The following EYA4 variants were observed in gnomAD, a reference collection of about 807,000 sequenced individuals.
EYA4 encodes the protein EYA transcriptional coactivator and phosphatase 4, also known as protein phosphatase EYA4.
Under a neutral mutation model 87.9 loss-of-function variants are expected in EYA4, and 31 were observed. The observed-to-expected ratio is 0.35, with a 90% CI of 0.27 to 0.48. The LOEUF (loss-of-function observed/expected upper bound fraction) is 0.48. EYA4 is among the 20% of genes least tolerant of loss of function. The pLI is 0.99. For missense variants in EYA4, 678 were observed against 761.4 expected (o/e 0.89, Z 1.29); for synonymous variants, 263 against 270.6 (o/e 0.97, Z 0.28).
intron 3 of EYA4, among the ~76,000 whole-genome samples, chr6:133,423,209 G>A (rs139599321): frequency 4.9e-4 from 75 of 152,220 alleles, no homozygotes; most frequent in East Asian, 1.2e-3. Flanking sequence ...TCTAGGAGGG[G>A]TGGACTAAGA....
intron 13 of EYA4, chr6:133,502,598 T>C (rs1157761416): frequency 6.6e-6 from 1 of 152,258 alleles, no homozygotes; most frequent in Non-Finnish European, 1.5e-5. Context: ...TCTGGGATTC[T>C]TGGATCTGTG....
At chr6:133,505,974 A>G in intron 13 of EYA4, 132 bp from the exon 14 acceptor site, 2 of 677,996 alleles carry the variant, frequency 2.9e-6, no homozygotes, top group Non-Finnish European at 5.3e-6. Flanking sequence ...AAAACTGAGA[A>G]ATCTTTTGAA....
chr6:133,465,994 T>G (rs1445332834), intron 10 of EYA4, among the ~76,000 whole-genome samples: 1 of 152,184 alleles, frequency 6.6e-6, no homozygotes. Flanking sequence ...CTTGATTTTA[T>G]GCATTTATTT....
intron 2 of EYA4, among the ~76,000 whole-genome samples, chr6:133,376,624 T>A (rs999209829): frequency 3.3e-5 from 5 of 151,882 alleles, no homozygotes; most frequent in Non-Finnish European, 7.4e-5. Context: ...ATTTGCAAAC[T>A]TTTTTTATGA....
chr6:133,448,289 T>A, intron 5 of EYA4, 110 bp downstream of exon 5: 2 of 832,958 alleles, frequency 2.4e-6, no homozygotes, highest in Middle Eastern at 2.2e-4. Context: ...GTTCAGTACT[T>A]AAAAAGGAAA....
intron 3 of EYA4, among the ~76,000 whole-genome samples, chr6:133,410,917 C>CT (rs1237419887): frequency 6.6e-6 from 1 of 151,980 alleles, no homozygotes; most frequent in Non-Finnish European, 1.5e-5. Flanking sequence ...GAAGTTGGAG[C>CT]TTTAGAGGTG....
intron 2 of EYA4, among the ~76,000 whole-genome samples, chr6:133,357,139 C>T (rs1338121908): frequency 5.3e-5 from 8 of 151,220 alleles, no homozygotes; most frequent in East Asian, 2.0e-4. Flanking sequence ...GGCTTCGTGG[C>T]GGGCGCCTGT....
rs1481535390 is a variant in EYA4, at chr6:133,523,051, T to A, written c.1617-5T>A. The A allele has an allele frequency of 1.9e-6, 3 of 1,608,860 alleles. No individual in the cohort carries two copies. In the African/African-American group the frequency reaches 4.0e-5, roughly 22 times the overall value. ...ACAAACATGTATATTTCCTCCCTAT[T>A]TTAGGAGTAACTGCATAAATGTCTT... On this transcript the variant is annotated splice_region_variant and splice_polypyrimidine_tract_variant and intron_variant, in intron 17 of 19. Coordinates refer to ENST00000355286, the MANE Select transcript of EYA4 (RefSeq NM_004100.5).
At chr6:133,307,168 C>A (rs180741593) in intron 2 of EYA4, among the ~76,000 whole-genome samples, 1 of 152,226 alleles carries the variant, frequency 6.6e-6, no homozygotes, top group East Asian at 1.9e-4. Context: ...CACGTTTCTG[C>A]ATCCTGAATC....
intron 3 of EYA4, among the ~76,000 whole-genome samples, chr6:133,411,390 A>T (rs978186769): frequency 8.5e-5 from 13 of 152,212 alleles, no homozygotes; most frequent in South Asian, 2.1e-4. Context: ...GGGAAACACC[A>T]GCATGGTTTT....
intron 2 of EYA4, among the ~76,000 whole-genome samples, chr6:133,326,578 TTAC>T (rs1781513758): frequency 6.6e-6 from 1 of 152,218 alleles, no homozygotes; most frequent in Non-Finnish European, 1.5e-5. Flanking sequence ...GTTATCAGCG[TTAC>T]TATTGTTGAC....
At position 133,391,219 on chromosome 6, in the gene EYA4, TTTG is replaced by T. The variant is rs1297947218; in HGVS notation, c.83+8781_83+8783del. Reference sequence around the variant, plus strand: ...TATCTATTATTTTTTGGGTTTTGTTTTTGTTTTTTTTTTTTTTTTGAGATGGAG... The same window carrying T: ...TATCTATTATTTTTTGGGTTTTGTTTTTTTTTTTTTTTTTTTGAGATGGAG... On this transcript the variant is annotated intron_variant, in intron 3 of 19. Transcript: ENST00000355286. Among the ~76,000 whole-genome samples the T allele has an allele frequency of 8.4e-5, 5 of 59,878 alleles. No homozygotes were observed. The South Asian group carries it at 3.2e-3, about 39-fold the overall frequency. 39.3% of individuals were successfully genotyped at this position (59,878 alleles called of 152,430 possible). A position where few individuals can be genotyped will look rare whatever the true frequency, so the allele number is the denominator to read the frequency against.
chr6:133,474,105 G>A (rs937558882), intron 11 of EYA4, among the ~76,000 whole-genome samples: 3 of 151,958 alleles, frequency 2.0e-5, no homozygotes, highest in African/African-American at 7.2e-5. Flanking sequence ...AACAAGGTAG[G>A]GTGAAACCAC....
intron 11 of EYA4, among the ~76,000 whole-genome samples, chr6:133,475,761 A>C (rs77128196): frequency 0.029 from 4,359 of 152,228 alleles, 209 homozygotes; most frequent in African/African-American, 0.097. Context: ...TCTTTTAAAA[A>C]AAAGTGTCAA....
At chr6:133,515,826 A>C (rs1799554666) in intron 17 of EYA4, among the ~76,000 whole-genome samples, 1 of 152,208 alleles carries the variant, frequency 6.6e-6, no homozygotes, top group African/African-American at 2.4e-5. Flanking sequence ...GGCAAATATG[A>C]AACAGTACTG....
intron 2 of EYA4, among the ~76,000 whole-genome samples, chr6:133,350,169 A>G (rs1783531966): frequency 1.3e-5 from 2 of 152,238 alleles, no homozygotes. Flanking sequence ...TTGAACCAAA[A>G]AATGAACAAA....
intron 13 of EYA4, among the ~76,000 whole-genome samples, chr6:133,485,005 A>G (rs1416632997): frequency 6.6e-6 from 1 of 152,228 alleles, no homozygotes; most frequent in Non-Finnish European, 1.5e-5. Flanking sequence ...GAGCATGGTA[A>G]AACTGTCACT....
At chr6:133,483,540 T>C (rs1187355331) in intron 13 of EYA4, among the ~76,000 whole-genome samples, 3 of 152,032 alleles carry the variant, frequency 2.0e-5, no homozygotes, top group Non-Finnish European at 4.4e-5. Flanking sequence ...TTTGGATTTA[T>C]GAATGAGTGT....
chr6:133,490,935 C>T (rs1178342106), intron 13 of EYA4, among the ~76,000 whole-genome samples: 1 of 152,106 alleles, frequency 6.6e-6, no homozygotes, highest in Non-Finnish European at 1.5e-5. Flanking sequence ...ATGGATCATT[C>T]TCATGATAGA....
Sources: allele counts gnomAD v4.1 joint callset (sites outside exome capture counted in the v4.1 genomes callset), GRCh38; gene constraint gnomAD v4.1.1; transcripts MANE v1.5; gene names NCBI Gene and HGNC (gene_info 2026-07-23, HGNC 2026-07-21).